The following CPLX1 variants were observed in gnomAD, a reference collection of about 807,000 sequenced individuals.
The protein encoded by CPLX1 is complexin-1.
Under a neutral mutation model 15.6 loss-of-function variants are expected in CPLX1, and 6 were observed. That is an observed-to-expected ratio of 0.39 (90% CI 0.21 to 0.76). CPLX1 has a LOEUF of 0.76. Among genes scored for constraint, CPLX1 ranks in the 30% least tolerant of loss-of-function variants. The probability of loss-of-function intolerance (pLI) is 0.43; values close to 1 mark genes in which losing one functional copy is unlikely to be tolerated. For missense variants in CPLX1, 242 were observed against 188.6 expected (o/e 1.28, Z -1.66); for synonymous variants, 91 against 75.2 (o/e 1.21, Z -1.08).
intron 2 of CPLX1, among the ~76,000 whole-genome samples, chr4:821,297 C>T (rs1242691218): frequency 6.6e-6 from 1 of 152,144 alleles, no homozygotes; most frequent in East Asian, 1.9e-4. Flanking sequence ...GTGAGTCCTG[C>T]CTTGGGCTCT....
intron 2 of CPLX1, among the ~76,000 whole-genome samples, chr4:812,934 T>C (rs1340229082): frequency 6.6e-6 from 1 of 152,122 alleles, no homozygotes; most frequent in African/African-American, 2.4e-5. Flanking sequence ...TATATGCTTA[T>C]TGACGTGCCT....
At chr4:818,643 G>A (rs1354125087) in intron 2 of CPLX1, among the ~76,000 whole-genome samples, 2 of 152,260 alleles carry the variant, frequency 1.3e-5, no homozygotes, top group African/African-American at 2.4e-5. Context: ...TGTGAGTGAC[G>A]GGAAGAGGCC....
intron 3 of CPLX1, chr4:787,808 A>C (rs1318440529): frequency 4.6e-5 from 45 of 985,268 alleles, no homozygotes; most frequent in Non-Finnish European, 5.4e-5. Flanking sequence ...CCAGCCCAGG[A>C]AGCCTGTGGT....
intron 3 of CPLX1, 78 bp from the exon 4 acceptor site, chr4:786,776 G>A: frequency 6.7e-7 from 1 of 1,494,158 alleles, no homozygotes; most frequent in South Asian, 1.3e-5. Flanking sequence ...CCAGGGACTG[G>A]CCCAGGAACC....
At chr4:806,429 C>A (rs2152646128) in intron 2 of CPLX1, among the ~76,000 whole-genome samples, 1 of 152,114 alleles carries the variant, frequency 6.6e-6, no homozygotes, top group South Asian at 2.1e-4. Flanking sequence ...AATGTAAAAC[C>A]CAAAAGTATA....
In CPLX1 at chr4:785,523, C is replaced by T. The variant is rs1296316541; in HGVS notation, c.*978G>A. 6.6e-6 allele frequency: 1 copy of T among 152,568 alleles called. No homozygotes were observed. Among genetic ancestry groups the T allele is most frequent in the African/African-American group, 2.4e-5 (1 of 41,460 alleles). The allele number at this position is 152,568 out of a possible 1,614,324, so 9.5% of individuals were successfully genotyped here. On this transcript the variant is annotated 3_prime_UTR_variant, in exon 4 of 4. Transcript: ENST00000304062. The stretch of plus-strand genomic sequence containing the variant: ...ACCTGAGATTCAACAAATTGTGATG[C>T]AAATTAAACATGAATGGAGGAGAAA...
At chr4:790,326 T>C (rs1463619227) in intron 3 of CPLX1, among the ~76,000 whole-genome samples, 1 of 152,150 alleles carries the variant, frequency 6.6e-6, no homozygotes, top group African/African-American at 2.4e-5. Context: ...CAAGGCAGGA[T>C]CGCAGGTTGG....
In CPLX1 at chr4:786,579, C is replaced by T; in HGVS notation, c.327G>A (p.Val109=). The change falls in exon 4 of 4, where the codon GTG becomes GTA. Residue 109 remains valine (V), a synonymous_variant. Transcript: ENST00000304062. ...KAIPPGCGDE[V]EEEDESILDT... is the part of the protein sequence containing the mutation. ...CCAGGATGCTCTCGTCCTCCTCCTC[C>T]ACCTCGTCCCCGCAGCCCGGCGGGA... 6.2e-7 allele frequency: 1 copy of T among 1,610,762 alleles called. No homozygotes were observed.
At chr4:820,494 G>C (rs1041140187) in intron 2 of CPLX1, among the ~76,000 whole-genome samples, 1 of 152,182 alleles carries the variant, frequency 6.6e-6, no homozygotes, top group African/African-American at 2.4e-5. Context: ...TGGACACTGG[G>C]AATCAGGGCA....
At chr4:802,798 A>G (rs372169280) in intron 2 of CPLX1, among the ~76,000 whole-genome samples, 1 of 152,122 alleles carries the variant, frequency 6.6e-6, no homozygotes, top group Non-Finnish European at 1.5e-5. Flanking sequence ...AAAAGATACA[A>G]AAATTAGCTG....
At chr4:790,617 C>T (rs1746140812) in intron 3 of CPLX1, among the ~76,000 whole-genome samples, 1 of 152,158 alleles carries the variant, frequency 6.6e-6, no homozygotes, top group South Asian at 2.1e-4. Context: ...ATGACATGGC[C>T]TGGAACAGCC....
At chr4:790,964 G>T (rs151099481) in intron 3 of CPLX1, among the ~76,000 whole-genome samples, 1 of 133,396 alleles carries the variant, frequency 7.5e-6, no homozygotes, top group Non-Finnish European at 1.6e-5. Flanking sequence ...CCCTCTCTGT[G>T]TCTCTGTCTC....
At chr4:816,576 C>T (rs951036997) in intron 2 of CPLX1, among the ~76,000 whole-genome samples, 2 of 152,132 alleles carry the variant, frequency 1.3e-5, no homozygotes, top group African/African-American at 4.8e-5. Context: ...TCTCAATTTT[C>T]CCAGTGATTT....
At chr4:813,922 T>A (rs745321477) in intron 2 of CPLX1, among the ~76,000 whole-genome samples, 7 of 152,120 alleles carry the variant, frequency 4.6e-5, no homozygotes, top group Non-Finnish European at 1.0e-4. Context: ...TAAATGTGCA[T>A]CCAGGGAAAG....
chr4:807,425 TACTACCTATGTA>T (rs1391572956), intron 2 of CPLX1, among the ~76,000 whole-genome samples: 1 of 152,070 alleles, frequency 6.6e-6, no homozygotes, highest in African/African-American at 2.4e-5. Flanking sequence ...GGTACACGTT[TACTACCTATGTA>T]ACAAACCTAC....
intron 3 of CPLX1, chr4:787,955 C>T (rs1234781340): frequency 2.4e-5 from 24 of 985,300 alleles, no homozygotes; most frequent in South Asian, 1.4e-4. Flanking sequence ...ACAGGACCCC[C>T]GGGCCAGGTC....
intron 1 of CPLX1, 107 bp from the exon 2 acceptor site, chr4:824,708 C>G: frequency 2.8e-6 from 2 of 725,426 alleles, no homozygotes; most frequent in South Asian, 2.9e-5. Flanking sequence ...TGGACCCTCC[C>G]CCACCTGGAG....
intron 2 of CPLX1, among the ~76,000 whole-genome samples, chr4:824,218 C>A (rs1299113997): frequency 6.6e-6 from 1 of 152,266 alleles, no homozygotes; most frequent in Non-Finnish European, 1.5e-5. Flanking sequence ...TCCATGGGCT[C>A]TGCCCCGACC....
chr4:805,059 C>T (rs1389156479), intron 2 of CPLX1, among the ~76,000 whole-genome samples: 1 of 152,266 alleles, frequency 6.6e-6, no homozygotes, highest in African/African-American at 2.4e-5. Context: ...TGGCGTGTGG[C>T]TGGAGACAAG....
Sources: allele counts gnomAD v4.1 joint callset (sites outside exome capture counted in the v4.1 genomes callset), GRCh38; gene constraint gnomAD v4.1.1; transcripts MANE v1.5; gene names NCBI Gene and HGNC (gene_info 2026-07-23, HGNC 2026-07-21).